Variants in ADGRV1 observed in about 807,000 individuals in gnomAD.
ADGRV1 encodes the protein adhesion G protein-coupled receptor V1.
In ADGRV1, 359 loss-of-function variants were observed where a neutral mutation model predicts 596.2. The ratio of observed to expected loss-of-function variants is 0.60; its 90% CI spans 0.55 to 0.66. The LOEUF (loss-of-function observed/expected upper bound fraction) is 0.66. Among genes scored for constraint, ADGRV1 ranks in the 30% least tolerant of loss-of-function variants. The pLI, the probability that ADGRV1 is intolerant of heterozygous loss-of-function variation, is 0.00. For missense variants in ADGRV1, 7,274 were observed against 7,575.6 expected (o/e 0.96, Z 1.48); for synonymous variants, 2,681 against 2,679.2 (o/e 1.00, Z -0.02).
intron 86 of ADGRV1, among the ~76,000 whole-genome samples, chr5:91,081,080 G>A (rs1789326644): frequency 6.6e-6 from 1 of 152,128 alleles, no homozygotes. Flanking sequence ...GGAAGTCCAA[G>A]ATCAAGGCGT....
At chr5:90,725,727 A>C (rs1009141549) in intron 48 of ADGRV1, 71 bp downstream of exon 48, 4 of 875,354 alleles carry the variant, frequency 4.6e-6, no homozygotes, top group Non-Finnish European at 7.5e-6. Context: ...AAATTTACCA[A>C]AGGTATGGTC....
chr5:90,923,781 G>GC (rs937705391), intron 83 of ADGRV1, among the ~76,000 whole-genome samples: 1 of 112,328 alleles, frequency 8.9e-6, no homozygotes, highest in Non-Finnish European at 1.9e-5. Context: ...CCCTCCCCCT[G>GC]CCCCCCACCC....
At chr5:91,161,422 G>A (rs1796934299) in intron 89 of ADGRV1, among the ~76,000 whole-genome samples, 1 of 151,598 alleles carries the variant, frequency 6.6e-6, no homozygotes, top group East Asian at 1.9e-4. Context: ...TGGTCCATGG[G>A]TTTTTTGTTG....
At chr5:90,872,116 A>G (rs1266046822) in intron 83 of ADGRV1, among the ~76,000 whole-genome samples, 15 of 152,154 alleles carry the variant, frequency 9.9e-5, no homozygotes, top group Non-Finnish European at 1.5e-5. Context: ...TTCTTAAATC[A>G]GCTGCAAGGG....
chr5:90,675,125 A>G (rs1276309095), intron 23 of ADGRV1, 118 bp from the exon 24 acceptor site: 2 of 680,490 alleles, frequency 2.9e-6, no homozygotes, highest in East Asian at 2.7e-5. Flanking sequence ...TTTTCTAAAT[A>G]AAGTCCCTCA....
At chr5:90,804,807 T>G (rs991889029) in intron 71 of ADGRV1, 2 of 152,186 alleles carry the variant, frequency 1.3e-5, no homozygotes, top group African/African-American at 4.8e-5. Context: ...ACTTTGAAGT[T>G]TTCTGGTCTT....
intron 86 of ADGRV1, among the ~76,000 whole-genome samples, chr5:91,099,275 A>G (rs1253794688): frequency 6.6e-6 from 1 of 152,094 alleles, no homozygotes; most frequent in Non-Finnish European, 1.5e-5. Context: ...CTCAAAAAAA[A>G]AAAAAGTGTT....
At chr5:90,574,036 A>G (rs1756886850) in intron 1 of ADGRV1, among the ~76,000 whole-genome samples, 1 of 151,880 alleles carries the variant, frequency 6.6e-6, no homozygotes, top group Non-Finnish European at 1.5e-5. Context: ...ACCAGTAACA[A>G]GCTGTTTTGG....
intron 1 of ADGRV1, 88 bp from the exon 2 acceptor site, chr5:90,614,747 A>C (rs1383023985): frequency 4.0e-6 from 4 of 989,504 alleles, no homozygotes; most frequent in Admixed American, 2.0e-5. Context: ...CTAACTCTTC[A>C]TACTATGTTT....
At chr5:91,129,237 C>A (rs1794012428) in intron 87 of ADGRV1, among the ~76,000 whole-genome samples, 3 of 151,846 alleles carry the variant, frequency 2.0e-5, no homozygotes, top group Admixed American at 1.3e-4. Context: ...GCGAGAACAG[C>A]AAAAATCATT....
At chr5:90,772,420 G>A (rs1202583430) in intron 59 of ADGRV1, among the ~76,000 whole-genome samples, 4 of 152,022 alleles carry the variant, frequency 2.6e-5, no homozygotes, top group African/African-American at 4.8e-5. Context: ...CTTTCTGTTG[G>A]TGAGTTTTCT....
chr5:90,729,945 C>G (rs911476864), intron 50 of ADGRV1, among the ~76,000 whole-genome samples, 181 bp downstream of exon 50: 1 of 152,020 alleles, frequency 6.6e-6, no homozygotes, highest in Non-Finnish European at 1.5e-5. Context: ...CTGCTCACTG[C>G]AAGCTCCGCC....
intron 83 of ADGRV1, among the ~76,000 whole-genome samples, chr5:90,877,712 A>C (rs937857447): frequency 6.6e-6 from 1 of 151,864 alleles, no homozygotes; most frequent in Non-Finnish European, 1.5e-5. Flanking sequence ...AGTTAGGTGT[A>C]AGGTATATTT....
At chr5:91,135,763 T>C (rs1188956019) in intron 87 of ADGRV1, among the ~76,000 whole-genome samples, 1 of 152,168 alleles carries the variant, frequency 6.6e-6, no homozygotes, top group East Asian at 1.9e-4. Flanking sequence ...TCCAGTTTTC[T>C]TGCTTAGAGA....
At chr5:90,967,699 C>CTG (rs1215482012) in intron 84 of ADGRV1, among the ~76,000 whole-genome samples, 2 of 150,974 alleles carry the variant, frequency 1.3e-5, no homozygotes, top group Non-Finnish European at 3.0e-5. Flanking sequence ...AGAGAGCTGC[C>CTG]TGCATTAAGA....
chr5:90,766,193 G>C (rs980099063), intron 59 of ADGRV1, among the ~76,000 whole-genome samples: 37 of 152,268 alleles, frequency 2.4e-4, no homozygotes, highest in African/African-American at 8.7e-4. Context: ...ACAGGCGTGA[G>C]CCACTGTGTC....
chr5:90,838,360 C>T (rs1256379501), intron 77 of ADGRV1, among the ~76,000 whole-genome samples: 1 of 151,952 alleles, frequency 6.6e-6, no homozygotes, highest in African/African-American at 2.4e-5. Context: ...TCACTTGGAG[C>T]TCCTTCCTGT....
Position 90,815,624 on chromosome 5 carries a change from G to T in ADGRV1, c.16084G>T (p.Asp5362Tyr). The T allele has an allele frequency of 6.5e-7, 1 of 1,538,786 alleles. No individual in the cohort carries two copies. Among genetic ancestry groups the T allele is most frequent in the South Asian group, 1.2e-5 (1 of 84,180 alleles). Reference sequence around the variant, plus strand: ...CCCTCCATTCTTTTTTTCAGGGAGTGACCTTCACAATGGCATCATAGGATT... The same window carrying T: ...CCCTCCATTCTTTTTTTCAGGGAGTTACCTTCACAATGGCATCATAGGATT... ...AFAMVIITGS[D>Y]LHNGIIGFSE... The change falls in exon 75 of 90, where the codon GAC becomes TAC. Residue 5362 changes from aspartate to tyrosine, a missense_variant. By Grantham distance (160) the Asp-to-Tyr change is radical (BLOSUM62 -3). Around this residue, in one of 5 missense-constraint regions of ADGRV1, gnomAD observed 1,874 missense variants for 1,970.2 expected, o/e 0.95. Coordinates refer to ENST00000405460, the MANE Select transcript of ADGRV1 (RefSeq NM_032119.4).
rs570576994 is a variant in ADGRV1, at chr5:90,719,621, A to G, written c.9448-427A>G. 4.6e-5 allele frequency among the ~76,000 whole-genome samples: 7 copies of G among 152,186 alleles called. No homozygotes were observed. In the South Asian group the frequency reaches 1.2e-3, roughly 27 times the overall value. Reference sequence around the variant, plus strand: ...GTAGCATTTTATAAAATAGACCACTATTGGTTTGTCTGTTCTCCCACTGAT... The same window carrying G: ...GTAGCATTTTATAAAATAGACCACTGTTGGTTTGTCTGTTCTCCCACTGAT... On this transcript the variant is annotated intron_variant, in intron 43 of 89. Transcript: ENST00000405460.
Sources: gnomAD v4.1 joint callset for allele counts (sites outside exome capture counted in the v4.1 genomes callset) on GRCh38, gnomAD v4.1.1 for gene constraint, gnomAD v4.1.1 regional missense constraint, MANE v1.5 for transcripts, NCBI Gene and HGNC (gene_info 2026-07-23, HGNC 2026-07-21) for gene names.